Variants in SLC2A9 observed in about 807,000 individuals in gnomAD.
The protein encoded by SLC2A9 is solute carrier family 2, facilitated glucose transporter member 9.
SLC2A9 carries 39 observed loss-of-function variants against 50.6 expected under a neutral mutation model. The observed-to-expected ratio is 0.77, with a 90% confidence interval of 0.60 to 1.01. The LOEUF (loss-of-function observed/expected upper bound fraction) is 1.01, where lower values mean the gene tolerates loss of function less well. SLC2A9 is among the 50% of genes least tolerant of loss of function. The pLI, the probability that SLC2A9 is intolerant of heterozygous loss-of-function variation, is 0.00. For synonymous variants in SLC2A9, 324 were observed against 276.9 expected, an observed-to-expected ratio of 1.17 and a Z score of -1.69; for missense variants, 686 against 677.6, an observed-to-expected ratio of 1.01 and a Z score of -0.14.
chr4:9,905,046 C>T (rs541378645), intron 8 of SLC2A9, among the ~76,000 whole-genome samples: 5 of 152,292 alleles, frequency 3.3e-5, no homozygotes, highest in East Asian at 1.9e-4. Context: ...GAGGGAAGCT[C>T]GTCTCAGTGT....
chr4:10,013,123 A>T (rs1306260707), intron 2 of SLC2A9, among the ~76,000 whole-genome samples: 1 of 152,178 alleles, frequency 6.6e-6, no homozygotes, highest in Non-Finnish European at 1.5e-5. Flanking sequence ...CTGATTTTCA[A>T]CAGCTAAGGA....
intron 10 of SLC2A9, 69 bp downstream of exon 10, chr4:9,887,498 G>C: frequency 6.8e-7 from 1 of 1,460,394 alleles, no homozygotes; most frequent in Admixed American, 2.1e-5. Flanking sequence ...ATCTGTATGA[G>C]GAGAGCCCCC....
At chr4:10,036,836 C>T (rs752236390) in intron 1 of SLC2A9, among the ~76,000 whole-genome samples, 5 of 152,174 alleles carry the variant, frequency 3.3e-5, no homozygotes, top group African/African-American at 9.7e-5. Flanking sequence ...TCTCTTGATG[C>T]GTATTGATCT....
intron 5 of SLC2A9, among the ~76,000 whole-genome samples, chr4:9,960,582 CAG>C (rs1448707284): frequency 6.6e-6 from 1 of 152,228 alleles, no homozygotes; most frequent in Non-Finnish European, 1.5e-5. Flanking sequence ...GAAAATTCAA[CAG>C]AGGAAGAGAA....
chr4:9,810,115 TTTGA>T (rs1722685895), intron 3 of SLC2A9, among the ~76,000 whole-genome samples: 1 of 151,824 alleles, frequency 6.6e-6, no homozygotes, highest in Non-Finnish European at 1.5e-5. Context: ...GGTCTATTTA[TTTGA>T]TTATTTCCCA....
intron 3 of SLC2A9, among the ~76,000 whole-genome samples, chr4:9,989,473 T>G (rs1347622852): frequency 6.6e-6 from 1 of 152,066 alleles, no homozygotes; most frequent in Non-Finnish European, 1.5e-5. Flanking sequence ...TCTTTTTCAC[T>G]GAGAACACAG....
chr4:9,805,933 C>A (rs912407292), intron 3 of SLC2A9, among the ~76,000 whole-genome samples: 1 of 152,144 alleles, frequency 6.6e-6, no homozygotes, highest in African/African-American at 2.4e-5. Context: ...AATGCTGAGG[C>A]AGGGCAGGTT....
chr4:9,844,655 C>G (rs1216113567), intron 10 of SLC2A9, among the ~76,000 whole-genome samples: 3 of 152,252 alleles, frequency 2.0e-5, no homozygotes, highest in Non-Finnish European at 4.4e-5. Flanking sequence ...CTCAGCTGGT[C>G]TAACAACCAA....
chr4:9,994,955 T>C (rs1192804237), intron 3 of SLC2A9, among the ~76,000 whole-genome samples: 1 of 152,100 alleles, frequency 6.6e-6, no homozygotes, highest in Non-Finnish European at 1.5e-5. Context: ...TCAGGGACCC[T>C]GGCCAGTGAT....
intron 3 of SLC2A9, chr4:9,783,583 T>G (rs189072747): frequency 8.7e-4 from 857 of 979,856 alleles, no homozygotes; most frequent in Non-Finnish European, 8.9e-4. Flanking sequence ...TTCTGTGTAG[T>G]AGCTCGTGTG....
At chr4:9,900,290 A>G (rs924184315) in intron 8 of SLC2A9, among the ~76,000 whole-genome samples, 12 of 152,276 alleles carry the variant, frequency 7.9e-5, no homozygotes, top group Admixed American at 2.0e-4. Context: ...GGCCGGACAC[A>G]GGGGAGCCAA....
chr4:9,902,025 G>A (rs893622720), intron 8 of SLC2A9, among the ~76,000 whole-genome samples: 6 of 152,174 alleles, frequency 3.9e-5, no homozygotes, highest in Admixed American at 1.3e-4. Flanking sequence ...GAATTAATCT[G>A]CCTTCGAGCT....
intron 10 of SLC2A9, among the ~76,000 whole-genome samples, chr4:9,875,851 A>G (rs1176083207): frequency 1.3e-5 from 2 of 152,136 alleles, no homozygotes; most frequent in Non-Finnish European, 2.9e-5. Flanking sequence ...ACTAATTACA[A>G]TGTTATTGAC....
chr4:9,772,203 C>T (rs918883706), intron 1 of SLC2A9, among the ~76,000 whole-genome samples: 3 of 152,104 alleles, frequency 2.0e-5, no homozygotes, highest in Non-Finnish European at 4.4e-5. Flanking sequence ...ACAGCTCTGG[C>T]AGCCATGCAA....
intron 8 of SLC2A9, among the ~76,000 whole-genome samples, 176 bp from the exon 9 acceptor site, chr4:9,890,887 G>A (rs924956014): frequency 2.6e-5 from 4 of 152,114 alleles, no homozygotes; most frequent in Admixed American, 6.5e-5. Flanking sequence ...TATGAGAAAG[G>A]AAAAAGCGAG....
At position 9,920,478 on chromosome 4, in the gene SLC2A9, G is replaced by A. The variant is rs371313593; in HGVS notation, c.909C>T (p.Ser303=). Residue 303 remains serine (S), a synonymous_variant, in exon 7 of 12, where the codon TCC becomes TCT. Coordinates refer to ENST00000264784, the MANE Select transcript of SLC2A9 (RefSeq NM_020041.3). The part of the protein sequence containing the change: ...SRVQRSIRLV[S]VLELLRAPYV... Reference sequence around the variant, plus strand: ...AGGGAGCTCTCAGCAGCTCCAGCACGGACACCAGGCGGATGCTCCTCTGCA... The same window carrying A: ...AGGGAGCTCTCAGCAGCTCCAGCACAGACACCAGGCGGATGCTCCTCTGCA... 49 of 1,614,142 alleles carry A rather than the reference G, an allele frequency of 3.0e-5. No homozygotes were observed. Among genetic ancestry groups the A allele is most frequent in the Middle Eastern group, 3.3e-4 (2 of 6,062 alleles).
intron 3 of SLC2A9, chr4:9,782,754 T>C (rs1264279954): frequency 1.9e-6 from 3 of 1,613,952 alleles, no homozygotes; most frequent in Non-Finnish European, 2.5e-6. Flanking sequence ...GCCATCATGA[T>C]CGTGACCTAC....
chr4:10,036,381 A>G (rs1337012173), intron 1 of SLC2A9, among the ~76,000 whole-genome samples: 1 of 152,240 alleles, frequency 6.6e-6, no homozygotes, highest in Non-Finnish European at 1.5e-5. Context: ...AGTGTACGAA[A>G]TGTCTGATCA....
intron 5 of SLC2A9, among the ~76,000 whole-genome samples, chr4:9,951,051 T>G (rs1344656298): frequency 1.3e-5 from 2 of 152,218 alleles, no homozygotes; most frequent in African/African-American, 4.8e-5. Flanking sequence ...ACATGTTTAT[T>G]GCAGTACTAT....
Sources: allele counts gnomAD v4.1 joint callset (sites outside exome capture counted in the v4.1 genomes callset), GRCh38; gene constraint gnomAD v4.1.1; transcripts MANE v1.5; gene names NCBI Gene and HGNC (gene_info 2026-07-23, HGNC 2026-07-21).